Variants in KDM6A observed in about 807,000 individuals in gnomAD.
The protein encoded by KDM6A is lysine-specific demethylase 6A.
KDM6A carries 11 observed loss-of-function variants against 117.6 expected under a neutral mutation model. The ratio of observed to expected loss-of-function variants is 0.09; its 90% CI spans 0.06 to 0.15. The LOEUF is 0.15. Among genes scored for constraint, KDM6A ranks in the 10% least tolerant of loss-of-function variants. The pLI is 1.00. For synonymous variants in KDM6A, 384 were observed against 396.1 expected (o/e 0.97, Z 0.36); for missense variants, 799 against 1,077.3 (o/e 0.74, Z 3.62).
At chrX:44,924,838 A>G (rs1303083424) in intron 2 of KDM6A, among the ~76,000 whole-genome samples, 1 of 110,603 alleles carries the variant, frequency 9.0e-6, no homozygotes, top group Admixed American at 9.6e-5. Context: ...ACAGGTGTGT[A>G]CCACCACGCC....
intron 4 of KDM6A, among the ~76,000 whole-genome samples, chrX:45,002,630 T>G (rs1330592563): frequency 8.9e-6 from 1 of 112,340 alleles, no homozygotes; most frequent in Non-Finnish European, 1.9e-5. Flanking sequence ...ATAAACTGTT[T>G]CTTCAATAGT....
At position 44,907,465 on chromosome X, in the gene KDM6A, GT is replaced by G. The variant is rs1569404394; in HGVS notation, c.225+33479del. ...GCTAATTGTGTGTGTGTGTGTGTGT[GT>G]GTGGTTTTTTTTTTCTTTTTTTTTT... is the stretch of plus-strand genomic sequence containing the variant. On this transcript the variant is annotated intron_variant, in intron 2 of 29. Coordinates refer to ENST00000611820, the MANE Select transcript of KDM6A (RefSeq NM_001291415.2). Among the ~76,000 whole-genome samples the G allele has an allele frequency of 4.5e-3, 448 of 99,925 alleles. 4 individuals carry two copies. The highest frequency in any genetic ancestry group is 0.016 in the African/African-American group (418 of 25,725). The allele number at this position is 99,925 out of a possible 115,157, so 86.8% of individuals were successfully genotyped here.
intron 1 of KDM6A, 24 bp downstream of exon 1, chrX:44,873,736 G>A (rs1178742270): frequency 8.6e-6 from 10 of 1,161,722 alleles, no homozygotes; most frequent in Non-Finnish European, 1.0e-5. Context: ...TCACTCGCCC[G>A]GTCGGCTCCG....
intron 2 of KDM6A, among the ~76,000 whole-genome samples, chrX:44,958,220 C>T (rs1057183087): frequency 3.9e-5 from 4 of 101,373 alleles, no homozygotes; most frequent in South Asian, 9.2e-4. Flanking sequence ...CTAGCTCTGT[C>T]GCCCATGGCT....
At chrX:45,051,497 A>C (rs936170945) in intron 8 of KDM6A, among the ~76,000 whole-genome samples, 2 of 112,156 alleles carry the variant, frequency 1.8e-5, no homozygotes, top group African/African-American at 6.5e-5. Flanking sequence ...CGTTATAGTG[A>C]ATGTCAGTTT....
intron 3 of KDM6A, among the ~76,000 whole-genome samples, chrX:44,970,260 C>T (rs1186314808): frequency 8.9e-5 from 10 of 111,824 alleles, no homozygotes; most frequent in Non-Finnish European, 1.9e-4. Context: ...CAAATCTGTT[C>T]CTGCCATTTA....
intron 3 of KDM6A, among the ~76,000 whole-genome samples, chrX:44,965,386 G>T (rs1691819264): frequency 8.9e-6 from 1 of 112,328 alleles, no homozygotes; most frequent in Admixed American, 9.4e-5. Context: ...CTTTTGGTCT[G>T]TCTCAGCTTT....
intron 3 of KDM6A, among the ~76,000 whole-genome samples, chrX:44,966,105 C>T (rs138692245): frequency 6.2e-4 from 68 of 109,150 alleles, no homozygotes; most frequent in African/African-American, 2.2e-3. Flanking sequence ...TAGACTGTGA[C>T]TATAGCTTTA....
intron 8 of KDM6A, among the ~76,000 whole-genome samples, chrX:45,044,518 C>T (rs2043439165): frequency 8.9e-6 from 1 of 111,775 alleles, no homozygotes; most frequent in Non-Finnish European, 1.9e-5. Context: ...GGCATCTACT[C>T]CCCTCCCTAA....
chrX:45,016,173 G>T (rs1289663845), intron 5 of KDM6A, among the ~76,000 whole-genome samples: 1 of 111,000 alleles, frequency 9.0e-6, no homozygotes, highest in Non-Finnish European at 1.9e-5. Flanking sequence ...TAACCTATGT[G>T]ACTTTTGCCT....
rs1438320100 is a variant in KDM6A, at chrX:45,060,753, A to T, written c.1474A>T (p.Ser492Cys). The T allele has an allele frequency of 9.5e-7, 1 of 1,057,348 alleles. No individual in the cohort carries two copies. Among genetic ancestry groups the T allele is most frequent in the Non-Finnish European group, 1.2e-6 (1 of 802,713 alleles). The allele number at this position is 1,057,348 out of a possible 1,213,427, so 87.1% of individuals were successfully genotyped here. ...SSPAKRKRTS[S>C]PTKNTSDNWS... ...TCCTGCCAAGAGGAAAAGAACATCT[A>T]GTCCAACAAAGGTATATGTTTTAGA... Residue 492 changes from serine to cysteine, a missense_variant, in exon 14 of 30, where the codon AGT (serine) becomes TGT (cysteine). By Grantham distance (112) the Ser-to-Cys change is moderately radical (BLOSUM62 -1). Around this residue, in one of 8 missense-constraint regions of KDM6A, gnomAD observed 301 missense variants for 318.3 expected, o/e 0.95. Coordinates refer to ENST00000611820, the MANE Select transcript of KDM6A (RefSeq NM_001291415.2).
chrX:44,977,768 T>C (rs1274945221), intron 4 of KDM6A, among the ~76,000 whole-genome samples: 1 of 112,275 alleles, frequency 8.9e-6, no homozygotes, highest in Non-Finnish European at 1.9e-5. Flanking sequence ...AATGGTATTT[T>C]ATTATAATTT....
At chrX:45,001,085 G>T (rs1455579345) in intron 4 of KDM6A, among the ~76,000 whole-genome samples, 1 of 112,118 alleles carries the variant, frequency 8.9e-6, no homozygotes, top group Non-Finnish European at 1.9e-5. Context: ...TGGAGGAGGA[G>T]CAATTGTTCT....
At chrX:45,034,005 T>C (rs1321806338) in intron 6 of KDM6A, among the ~76,000 whole-genome samples, 1 of 111,368 alleles carries the variant, frequency 9.0e-6, no homozygotes, top group Non-Finnish European at 1.9e-5. Context: ...TTATGGTCAT[T>C]TTTTTTAATG....
chrX:44,981,755 G>C (rs2039922636), intron 4 of KDM6A, among the ~76,000 whole-genome samples: 1 of 111,341 alleles, frequency 9.0e-6, no homozygotes, highest in South Asian at 3.8e-4. Flanking sequence ...TACATAGGTG[G>C]CTGCCTGCCC....
chrX:44,923,647 C>T (rs1485656693), intron 2 of KDM6A, among the ~76,000 whole-genome samples: 6 of 101,170 alleles, frequency 5.9e-5, no homozygotes, highest in Admixed American at 4.8e-4. Context: ...CGGGTTTGAG[C>T]GATTCTCCTG....
In KDM6A at chrX:44,873,975, C is replaced by T; in HGVS notation, c.213C>T (p.Ala71=). ...RFHEDGARTK[A]LLGKAVRCYE... ...ATGAAGATGGCGCCAGGACGAAGGCCCTACTGGGCAAGGTAAGGCAGCTGC... is the reference window on the plus strand; with the variant it reads ...ATGAAGATGGCGCCAGGACGAAGGCTCTACTGGGCAAGGTAAGGCAGCTGC... Residue 71 remains alanine, a synonymous_variant, in exon 2 of 30, where the codon GCC becomes GCT. Transcript: ENST00000611820. 8.3e-7 allele frequency: 1 copy of T among 1,211,037 alleles called. No homozygotes were observed. The highest frequency in any genetic ancestry group is 1.1e-6 in the Non-Finnish European group (1 of 894,635).
chrX:44,984,759 C>G (rs1311316882), intron 4 of KDM6A, among the ~76,000 whole-genome samples: 1 of 111,365 alleles, frequency 9.0e-6, no homozygotes, highest in Non-Finnish European at 1.9e-5. Flanking sequence ...CTGTTCTTTT[C>G]CATTGGTCTG....
intron 2 of KDM6A, among the ~76,000 whole-genome samples, chrX:44,899,937 T>G (rs2034218476): frequency 8.9e-6 from 1 of 112,192 alleles, no homozygotes; most frequent in South Asian, 3.7e-4. Context: ...TTTAAAGCTG[T>G]TTCTATTAGG....
Sources: gnomAD v4.1 joint callset for allele counts (sites outside exome capture counted in the v4.1 genomes callset) on GRCh38, gnomAD v4.1.1 for gene constraint, gnomAD v4.1.1 regional missense constraint, MANE v1.5 for transcripts, NCBI Gene and HGNC (gene_info 2026-07-23, HGNC 2026-07-21) for gene names.